The following EPHX4 variants were observed in gnomAD, a reference collection of about 807,000 sequenced individuals.
EPHX4 encodes abhydrolase domain containing 7.
A neutral mutation model predicts 44.9 loss-of-function variants in EPHX4; 31 were observed. The ratio of observed to expected loss-of-function variants is 0.69; its 90% CI spans 0.52 to 0.93. The LOEUF is 0.93. EPHX4 is among the 40% of genes least tolerant of loss of function. The pLI is 0.00. For missense variants in EPHX4, 373 were observed against 438.1 expected (o/e 0.85, Z 1.33); for synonymous variants, 151 against 159.7 (o/e 0.95, Z 0.41).
At chr1:92,035,518 A>G (rs1414078078) in intron 2 of EPHX4, among the ~76,000 whole-genome samples, 1 of 152,170 alleles carries the variant, frequency 6.6e-6, no homozygotes, top group African/African-American at 2.4e-5. Context: ...CCATTCATTC[A>G]TTGTGGAGAT....
Position 92,032,678 on chromosome 1 carries a change from G to C in EPHX4, c.317+88G>C. The C allele has an allele frequency of 2.7e-6, 3 of 1,094,634 alleles. 1 individual carries two copies. Among genetic ancestry groups the C allele is most frequent in the South Asian group, 2.6e-5 (2 of 77,866 alleles). 67.8% of individuals were successfully genotyped at this position (1,094,634 alleles called of 1,614,324 possible). A position where few individuals can be genotyped will look rare whatever the true frequency, so the allele number is the denominator to read the frequency against. Reference sequence around the variant, plus strand: ...TGTGCTGCTGTAACAGAATATCACAGTCTGGGTAACTTAAAATGAACATAA... The same window carrying C: ...TGTGCTGCTGTAACAGAATATCACACTCTGGGTAACTTAAAATGAACATAA... On this transcript the variant is annotated intron_variant, in intron 2 of 6. Coordinates refer to ENST00000370383, the MANE Select transcript of EPHX4 (RefSeq NM_173567.5).
chr1:92,044,113 T>C (rs1557883426), intron 3 of EPHX4, among the ~76,000 whole-genome samples: 1 of 152,176 alleles, frequency 6.6e-6, no homozygotes, highest in Non-Finnish European at 1.5e-5. Context: ...CATCAGTATG[T>C]TAATGGAAGC....
chr1:92,062,325 G>C (rs7529830), intron 6 of EPHX4, among the ~76,000 whole-genome samples: 6,422 of 150,052 alleles, frequency 0.043, 166 homozygotes, highest in African/African-American at 0.072. Context: ...GTGGCTCACG[G>C]CTGTAATCCC....
chr1:92,038,899 T>C (rs1570689388), intron 2 of EPHX4, among the ~76,000 whole-genome samples: 1 of 152,238 alleles, frequency 6.6e-6, no homozygotes, highest in Non-Finnish European at 1.5e-5. Flanking sequence ...ATCCTGGCTC[T>C]GCTGTTTGCT....
At chr1:92,032,429 T>C (rs1334496543) in intron 1 of EPHX4, 76 bp from the exon 2 acceptor site, 3 of 1,113,776 alleles carry the variant, frequency 2.7e-6, no homozygotes, top group South Asian at 1.3e-5. Flanking sequence ...ATTTTTTTAA[T>C]GAAATGGAAA....
At chr1:92,033,479 A>G (rs1392541061) in intron 2 of EPHX4, among the ~76,000 whole-genome samples, 1 of 151,972 alleles carries the variant, frequency 6.6e-6, no homozygotes, top group African/African-American at 2.4e-5. Context: ...CAAACCAAAG[A>G]CGTGGAGTGA....
intron 6 of EPHX4, among the ~76,000 whole-genome samples, chr1:92,058,717 G>A (rs1055494167): frequency 4.6e-5 from 7 of 152,054 alleles, no homozygotes; most frequent in African/African-American, 1.7e-4. Context: ...AGGGTGTTTT[G>A]CACTGGTTAT....
chr1:92,050,175 A>G, intron 4 of EPHX4, 142 bp from the exon 5 acceptor site: 4 of 595,428 alleles, frequency 6.7e-6, no homozygotes, highest in South Asian at 4.5e-5. Context: ...ATATAAGAGC[A>G]TAGAAATTGT....
intron 2 of EPHX4, among the ~76,000 whole-genome samples, chr1:92,040,398 G>A (rs1471004008): frequency 6.7e-6 from 1 of 148,984 alleles, no homozygotes; most frequent in African/African-American, 2.5e-5. Flanking sequence ...AGACTGGAGT[G>A]CAGTGGGACG....
Position 92,031,744 on chromosome 1 carries a change from C to T in EPHX4, c.232-761C>T, listed in dbSNP as rs188736608. Reference sequence around the variant, plus strand: ...CAGAGATTTTTATTCCTGCTGTTCCCTCTACTTTCCTCAATTCAGCCTGCT... The same window carrying T: ...CAGAGATTTTTATTCCTGCTGTTCCTTCTACTTTCCTCAATTCAGCCTGCT... On this transcript the variant is annotated intron_variant, in intron 1 of 6. Coordinates refer to ENST00000370383, the MANE Select transcript of EPHX4 (RefSeq NM_173567.5). 1.6e-3 allele frequency among the ~76,000 whole-genome samples: 241 copies of T among 152,262 alleles called. 3 individuals are homozygous for T. Among genetic ancestry groups the T allele is most frequent in the African/African-American group, 5.7e-3 (237 of 41,544 alleles).
At chr1:92,043,079 T>C (rs1688532615) in intron 3 of EPHX4, 99 bp downstream of exon 3, 4 of 945,278 alleles carry the variant, frequency 4.2e-6, no homozygotes, top group East Asian at 2.7e-5. Flanking sequence ...ATATTCCATC[T>C]ACCCAAATTA....
chr1:92,052,736 A>G, intron 6 of EPHX4, 78 bp downstream of exon 6: 4 of 1,291,792 alleles, frequency 3.1e-6, no homozygotes, highest in Non-Finnish European at 4.2e-6. Context: ...TTTTAAGGTT[A>G]AGTTCACCAC....
At position 92,030,378 on chromosome 1, in the gene EPHX4, G is replaced by A. The variant is rs773226063; in HGVS notation, c.231+68G>A. On this transcript the variant is annotated intron_variant, in intron 1 of 6. Coordinates refer to ENST00000370383, the MANE Select transcript of EPHX4 (RefSeq NM_173567.5). ...ACCGCCGCGAGGGTGGGGGGCTCCG[G>A]GCTTCTCCTTCCGAGACGCTGGCTC... is the stretch of plus-strand genomic sequence containing the variant. 3.3e-4 allele frequency: 449 copies of A among 1,370,380 alleles called. 1 individual carries two copies. The highest frequency in any genetic ancestry group is 4.0e-4 in the Non-Finnish European group (414 of 1,039,774). 84.9% of individuals were successfully genotyped at this position (1,370,380 alleles called of 1,614,324 possible).
At chr1:92,054,161 T>A (rs1430792002) in intron 6 of EPHX4, among the ~76,000 whole-genome samples, 2 of 152,182 alleles carry the variant, frequency 1.3e-5, no homozygotes, top group African/African-American at 4.8e-5. Context: ...GCAGAAATTA[T>A]GTGTTAACAT....
At chr1:92,045,139 T>A (rs1397336318) in intron 3 of EPHX4, among the ~76,000 whole-genome samples, 1 of 152,042 alleles carries the variant, frequency 6.6e-6, no homozygotes, top group East Asian at 1.9e-4. Flanking sequence ...ATTTCTTTAT[T>A]TTTTTGTAGA....
At chr1:92,061,357 A>G (rs1199264289) in intron 6 of EPHX4, among the ~76,000 whole-genome samples, 1 of 152,202 alleles carries the variant, frequency 6.6e-6, no homozygotes, top group East Asian at 1.9e-4. Flanking sequence ...CTGAATTGCC[A>G]CAAATCAGGC....
At chr1:92,031,771 A>G (rs987165687) in intron 1 of EPHX4, among the ~76,000 whole-genome samples, 4 of 152,050 alleles carry the variant, frequency 2.6e-5, no homozygotes, top group Admixed American at 6.6e-5. Flanking sequence ...CAGCCTGCTT[A>G]GTATTTGCTT....
At chr1:92,035,811 C>A (rs528615372) in intron 2 of EPHX4, among the ~76,000 whole-genome samples, 77 of 152,232 alleles carry the variant, frequency 5.1e-4, no homozygotes, top group African/African-American at 1.8e-3. Context: ...CCCTCCCAAG[C>A]CAGGTACTTT....
Position 92,052,652 on chromosome 1 carries a change from T to C in EPHX4, c.851T>C (p.Ile284Thr), listed in dbSNP as rs1051243778. The C allele has an allele frequency of 4.4e-6, 7 of 1,599,826 alleles. No individual in the cohort carries two copies. The African/African-American group carries it at 9.5e-5, about 22-fold the overall frequency. The change falls in exon 6 of 7, where the codon ATC becomes ACC. Residue 284 changes from isoleucine to threonine, a missense_variant. Physicochemically the swap from Ile to Thr is moderately conservative, Grantham distance 89 (BLOSUM62 -1). Coordinates refer to ENST00000370383, the MANE Select transcript of EPHX4 (RefSeq NM_173567.5). ...LSGPINHYRN[I>T]FSCLPLKHHM... Reference sequence around the variant, plus strand: ...GGCCCAATTAACCATTACCGAAATATCTTCAGGTAAGTATAATTTCTTTTT... The same window carrying C: ...GGCCCAATTAACCATTACCGAAATACCTTCAGGTAAGTATAATTTCTTTTT...
Sources: allele counts gnomAD v4.1 joint callset (sites outside exome capture counted in the v4.1 genomes callset), GRCh38; gene constraint gnomAD v4.1.1; transcripts MANE v1.5; gene names NCBI Gene and HGNC (gene_info 2026-07-23, HGNC 2026-07-21).